Variants in FLRT2 observed in about 807,000 individuals in gnomAD.
The protein encoded by FLRT2 is leucine-rich repeat transmembrane protein FLRT2.
In FLRT2, 15 loss-of-function variants were observed where a neutral mutation model predicts 40.0. That is an observed-to-expected ratio of 0.38 (90% CI 0.25 to 0.58). The LOEUF (loss-of-function observed/expected upper bound fraction) is 0.58. FLRT2 is among the 20% of genes least tolerant of loss of function. The pLI is 0.71. For missense variants in FLRT2, 726 were observed against 840.0 expected, an observed-to-expected ratio of 0.86 and a Z score of 1.68; for synonymous variants, 380 against 336.8, an observed-to-expected ratio of 1.13 and a Z score of -1.41.
In FLRT2 at chr14:85,623,674, C is replaced by A; in HGVS notation, c.*177C>A. ...TAATGGGATTTAAAAAAAGTGCTATCTTTTCTATTTCAAGTTAATTACAAA... is the reference window on the plus strand; with the variant it reads ...TAATGGGATTTAAAAAAAGTGCTATATTTTCTATTTCAAGTTAATTACAAA... On this transcript the variant is annotated 3_prime_UTR_variant, in exon 2 of 2. Transcript: ENST00000330753. 1 of 477,244 alleles carries A rather than the reference C, an allele frequency of 2.1e-6. No homozygotes were observed. Among genetic ancestry groups the A allele is most frequent in the Non-Finnish European group, 3.6e-6 (1 of 279,754 alleles). 29.6% of individuals were successfully genotyped at this position (477,244 alleles called of 1,614,324 possible).
intron 1 of FLRT2, among the ~76,000 whole-genome samples, chr14:85,534,688 A>G (rs1056657958): frequency 2.0e-5 from 3 of 151,746 alleles, no homozygotes; most frequent in Admixed American, 2.0e-4. Flanking sequence ...CCTGATGCGC[A>G]GTGGTCCTAA....
In FLRT2 at chr14:85,621,367, T is replaced by C. The variant is rs1893370401; in HGVS notation, c.-148T>C. 1 of 688,406 alleles carries C rather than the reference T, an allele frequency of 1.5e-6. No individual in the cohort carries two copies. The highest frequency in any genetic ancestry group is 2.0e-5 in the South Asian group (1 of 49,334). The allele number at this position is 688,406 out of a possible 1,614,324, so 42.6% of individuals were successfully genotyped here. A position where few individuals can be genotyped will look rare whatever the true frequency, so the allele number is the denominator to read the frequency against. ...GATAAGACCAGAGACAGCAGGGAGA[T>C]TATTTTACCATACGCCCTCAGGACG... On this transcript the variant is annotated 5_prime_UTR_variant, in exon 2 of 2. Coordinates refer to ENST00000330753, the MANE Select transcript of FLRT2 (RefSeq NM_013231.6).
chr14:85,559,941 G>C (rs1247871330), intron 1 of FLRT2, among the ~76,000 whole-genome samples: 1 of 152,168 alleles, frequency 6.6e-6, no homozygotes, highest in Non-Finnish European at 1.5e-5. Context: ...GGAAGCCATA[G>C]ATTTTGAGCA....
At chr14:85,614,857 G>T (rs1438176495) in intron 1 of FLRT2, among the ~76,000 whole-genome samples, 1 of 152,180 alleles carries the variant, frequency 6.6e-6, no homozygotes, top group Non-Finnish European at 1.5e-5. Context: ...TTGAGCAAAT[G>T]AATGAATGTT....
Position 85,632,070 on chromosome 14 carries a change from C to G in FLRT2, c.*8573C>G, listed in dbSNP as rs1192345163. 6.6e-6 allele frequency: 1 copy of G among 152,134 alleles called. No homozygotes were observed. Among genetic ancestry groups the G allele is most frequent in the Non-Finnish European group, 1.5e-5 (1 of 68,106 alleles). The allele number at this position is 152,134 out of a possible 1,614,324, so 9.4% of individuals were successfully genotyped here. ...CGAACTCCTGACCTCAGGTGATCCC[C>G]CCACCTAGGCCTCCCAAAGTGCTGG... On this transcript the variant is annotated 3_prime_UTR_variant, in exon 2 of 2. Transcript: ENST00000330753.
At chr14:85,571,495 C>G (rs1270509309) in intron 1 of FLRT2, among the ~76,000 whole-genome samples, 1 of 152,156 alleles carries the variant, frequency 6.6e-6, no homozygotes, top group Non-Finnish European at 1.5e-5. Flanking sequence ...CTCTGCTGTT[C>G]CCTTCGATTG....
intron 1 of FLRT2, among the ~76,000 whole-genome samples, chr14:85,600,212 C>G (rs530279123): frequency 6.6e-6 from 1 of 152,098 alleles, no homozygotes; most frequent in Non-Finnish European, 1.5e-5. Flanking sequence ...GATGTTGATG[C>G]CATTGGTCAA....
At chr14:85,611,893 A>G (rs554118342) in intron 1 of FLRT2, among the ~76,000 whole-genome samples, 1 of 140,952 alleles carries the variant, frequency 7.1e-6, no homozygotes, top group African/African-American at 2.5e-5. Flanking sequence ...GGGGAGAGAG[A>G]GAGAGAGCGC....
At chr14:85,557,137 T>C (rs1224127970) in intron 1 of FLRT2, among the ~76,000 whole-genome samples, 1 of 151,964 alleles carries the variant, frequency 6.6e-6, no homozygotes, top group Non-Finnish European at 1.5e-5. Context: ...TGATTCAAGA[T>C]GAGATTTGGG....
intron 1 of FLRT2, among the ~76,000 whole-genome samples, chr14:85,533,371 C>T (rs544996058): frequency 6.6e-6 from 1 of 152,104 alleles, no homozygotes; most frequent in East Asian, 2.0e-4. Context: ...TGAGCAGCCT[C>T]CAGACCCACG....
At chr14:85,566,549 T>TTG (rs61634735) in intron 1 of FLRT2, among the ~76,000 whole-genome samples, 5,757 of 130,898 alleles carry the variant, frequency 0.044, 164 homozygotes, top group East Asian at 0.11. Context: ...ACTTCCATGG[T>TTG]TGTGTGTGTG....
In FLRT2 at chr14:85,635,665, C is replaced by T. The variant is rs1470486948; in HGVS notation, c.*12168C>T. On this transcript the variant is annotated 3_prime_UTR_variant, in exon 2 of 2. Coordinates refer to ENST00000330753, the MANE Select transcript of FLRT2 (RefSeq NM_013231.6). ...TGATGGAATAGAACAGATTTTAACC[C>T]TGATCCCTGCCACTTTTATCTGAAC... The T allele has an allele frequency of 6.6e-6, 1 of 151,814 alleles. No individual in the cohort carries two copies. The highest frequency in any genetic ancestry group is 2.4e-5 in the African/African-American group (1 of 41,354). 9.4% of individuals were successfully genotyped at this position (151,814 alleles called of 1,614,324 possible).
chr14:85,537,649 A>T (rs186927510), intron 1 of FLRT2, among the ~76,000 whole-genome samples: 27 of 152,084 alleles, frequency 1.8e-4, no homozygotes, highest in African/African-American at 5.8e-4. Flanking sequence ...CCATTTTAAG[A>T]CAGAGATTCT....
intron 1 of FLRT2, among the ~76,000 whole-genome samples, chr14:85,565,534 T>C (rs1890579508): frequency 6.6e-6 from 1 of 152,190 alleles, no homozygotes; most frequent in Non-Finnish European, 1.5e-5. Context: ...ATTACATGCA[T>C]GGTTAGTGAT....
chr14:85,545,269 T>C (rs1275444763), intron 1 of FLRT2, among the ~76,000 whole-genome samples: 1 of 152,250 alleles, frequency 6.6e-6, no homozygotes, highest in Non-Finnish European at 1.5e-5. Flanking sequence ...GTGCTGTTTA[T>C]GCAGTTCATG....
rs536546634 is a variant in FLRT2 at position 85,651,696 on chromosome 14, T to G, written c.*28199T>G. 9.9e-5 allele frequency: 15 copies of G among 152,178 alleles called. No individual in the cohort carries two copies. Among genetic ancestry groups the G allele is most frequent in the Admixed American group, 9.8e-4 (15 of 15,266 alleles). The allele number at this position is 152,178 out of a possible 1,614,324, so 9.4% of individuals were successfully genotyped here. On this transcript the variant is annotated 3_prime_UTR_variant, in exon 2 of 2. Transcript: ENST00000330753. ...TATTTTGGCTGATATTTTCGTTACT[T>G]TTTTCTTATTTTTATCCTTTCTATG...
At chr14:85,554,221 T>C (rs1889817216) in intron 1 of FLRT2, among the ~76,000 whole-genome samples, 1 of 152,344 alleles carries the variant, frequency 6.6e-6, no homozygotes, top group Middle Eastern at 3.4e-3. Context: ...AAGCCTCATA[T>C]ACCAGAAAGT....
chr14:85,645,217 C>CCT lies in FLRT2; in HGVS notation c.*21720_*21721insCT, dbSNP rs1894265996. ...ATGTATACATATGTATATATGTACA[C>CCT]ATGTGTATATATGTATATACATATA... On this transcript the variant is annotated 3_prime_UTR_variant, in exon 2 of 2. Transcript: ENST00000330753. The CCT allele has an allele frequency of 6.7e-6, 1 of 149,518 alleles. No homozygotes were observed. The highest frequency in any genetic ancestry group is 2.5e-5 in the African/African-American group (1 of 39,780). The allele number at this position is 149,518 out of a possible 1,614,324, so 9.3% of individuals were successfully genotyped here.
chr14:85,561,471 C>T (rs112423417), intron 1 of FLRT2, among the ~76,000 whole-genome samples: 87 of 152,198 alleles, frequency 5.7e-4, no homozygotes, highest in African/African-American at 2.0e-3. Flanking sequence ...ATTTCTTTGC[C>T]CTCATTTTCA....
Sources: allele counts gnomAD v4.1 joint callset (sites outside exome capture counted in the v4.1 genomes callset), GRCh38; gene constraint gnomAD v4.1.1; transcripts MANE v1.5; gene names NCBI Gene and HGNC (gene_info 2026-07-23, HGNC 2026-07-21).